The following COL19A1 variants were observed in gnomAD, a reference collection of about 807,000 sequenced individuals.
The protein encoded by COL19A1 is collagen type XIX alpha 1 chain.
Under a neutral mutation model 190.2 loss-of-function variants are expected in COL19A1, and 159 were observed. The observed-to-expected ratio is 0.84, with a 90% CI of 0.73 to 0.95. The LOEUF is 0.95. COL19A1 is among the 40% of genes least tolerant of loss of function. The pLI is 0.00. For synonymous variants in COL19A1, 509 were observed against 458.9 expected (o/e 1.11, Z -1.39); for missense variants, 1,418 against 1,431.9 (o/e 0.99, Z 0.16).
chr6:70,098,891 T>C (rs1046761225), intron 15 of COL19A1, among the ~76,000 whole-genome samples: 1 of 151,644 alleles, frequency 6.6e-6, no homozygotes, highest in Non-Finnish European at 1.5e-5. Flanking sequence ...CAATGATGTC[T>C]GGGAGTAGGC....
chr6:70,173,166 T>C (rs1459421671), intron 41 of COL19A1, among the ~76,000 whole-genome samples: 1 of 152,188 alleles, frequency 6.6e-6, no homozygotes, highest in African/African-American at 2.4e-5. Flanking sequence ...ATTTTGTACG[T>C]GAGACCAAAT....
At chr6:69,980,082 CAAAT>C (rs1312329446) in intron 11 of COL19A1, among the ~76,000 whole-genome samples, 16 of 151,630 alleles carry the variant, frequency 1.1e-4, no homozygotes, top group Admixed American at 1.0e-3. Context: ...TTTATATGAA[CAAAT>C]AAATAACTAA....
intron 14 of COL19A1, chr6:70,059,846 G>T (rs1008315784): frequency 2.0e-6 from 1 of 497,536 alleles, no homozygotes; most frequent in Non-Finnish European, 4.1e-6. Flanking sequence ...TCAATTTACA[G>T]TTATTTTTAT....
chr6:70,090,501 G>A (rs1282298806), intron 15 of COL19A1, among the ~76,000 whole-genome samples: 1 of 146,320 alleles, frequency 6.8e-6, no homozygotes, highest in Admixed American at 6.8e-5. Context: ...GAATGGCTAT[G>A]AATTTTGGTA....
intron 11 of COL19A1, among the ~76,000 whole-genome samples, chr6:69,976,951 T>C (rs893324290): frequency 2.0e-5 from 3 of 152,054 alleles, no homozygotes; most frequent in African/African-American, 7.2e-5. Flanking sequence ...AGAAGACCCA[T>C]CTGAAGCCGC....
intron 16 of COL19A1, among the ~76,000 whole-genome samples, chr6:70,117,350 A>G (rs767850541): frequency 3.9e-5 from 6 of 152,240 alleles, no homozygotes; most frequent in Non-Finnish European, 8.8e-5. Flanking sequence ...AACTTTGGGA[A>G]TGTGCAGCCA....
Position 70,149,886 on chromosome 6 carries a change from A to G in COL19A1, c.1965A>G (p.Pro655=), listed in dbSNP as rs778719800. 16 of 1,613,620 alleles carry G rather than the reference A, an allele frequency of 9.9e-6. No individual in the cohort carries two copies. In the Admixed American group the frequency reaches 1.2e-4, roughly 12 times the overall value. The change falls in exon 29 of 51, where the codon CCA becomes CCG. Residue 655 remains proline (P), a synonymous_variant. Coordinates refer to ENST00000620364, the MANE Select transcript of COL19A1 (RefSeq NM_001858.6). ...GTCTCCCTGGGTTGCCAGGAACTCC[A>G]GGGACTCCAGGGAATGATGTAAGGA... ...PRGLPGLPGT[P]GTPGNDGVPG... is the part of the protein sequence containing the mutation.
chr6:70,052,005 G>A (rs556282945), intron 14 of COL19A1, among the ~76,000 whole-genome samples: 27 of 152,114 alleles, frequency 1.8e-4, no homozygotes, highest in African/African-American at 6.5e-4. Context: ...GTCTATCTTA[G>A]AAAGCCAGAT....
intron 9 of COL19A1, among the ~76,000 whole-genome samples, chr6:69,950,674 CCACACACACACACACACACACACA>C (rs56757599): frequency 7.3e-6 from 1 of 136,140 alleles, no homozygotes; most frequent in East Asian, 2.2e-4. Flanking sequence ...ATGAATGCAG[CCACACACACACACACACACACACA>C]CACACACACA....
intron 46 of COL19A1, 22 bp from the exon 47 acceptor site, chr6:70,188,053 G>A: frequency 1.2e-6 from 2 of 1,611,984 alleles, no homozygotes; most frequent in Non-Finnish European, 1.7e-6. Flanking sequence ...ATTATTCTTT[G>A]TTATTATTTT....
At chr6:69,941,488 A>G (rs1237712137) in intron 9 of COL19A1, among the ~76,000 whole-genome samples, 1 of 152,226 alleles carries the variant, frequency 6.6e-6, no homozygotes, top group East Asian at 1.9e-4. Flanking sequence ...CATTTGTGAG[A>G]TACTGCCTTA....
At chr6:70,107,890 C>G (rs1455872274) in intron 16 of COL19A1, among the ~76,000 whole-genome samples, 2 of 152,118 alleles carry the variant, frequency 1.3e-5, no homozygotes, top group Admixed American at 1.3e-4. Context: ...GTGATGTTCT[C>G]TAAGTCTCAA....
chr6:69,869,554 G>GA (rs112647589), intron 1 of COL19A1, among the ~76,000 whole-genome samples: 8,772 of 151,124 alleles, frequency 0.058, 842 homozygotes, highest in African/African-American at 0.2. Context: ...CCTTCAAATT[G>GA]AAAAAAAATG....
At chr6:69,958,111 T>G (rs978484922) in intron 9 of COL19A1, among the ~76,000 whole-genome samples, 1 of 152,108 alleles carries the variant, frequency 6.6e-6, no homozygotes, top group Admixed American at 6.6e-5. Context: ...CAATTAACAG[T>G]GCATCTGGGT....
intron 2 of COL19A1, among the ~76,000 whole-genome samples, chr6:69,889,308 A>C (rs1451565363): frequency 2.0e-5 from 3 of 152,236 alleles, no homozygotes; most frequent in African/African-American, 7.2e-5. Context: ...GAAGATATGA[A>C]GAAATAGGAA....
chr6:69,891,905 T>G (rs540821245), intron 2 of COL19A1, among the ~76,000 whole-genome samples: 1 of 152,340 alleles, frequency 6.6e-6, no homozygotes, highest in Admixed American at 6.5e-5. Flanking sequence ...GATCCATTTT[T>G]CTATCCTAGG....
At chr6:70,098,714 G>T (rs546805380) in intron 15 of COL19A1, 2 of 237,366 alleles carry the variant, frequency 8.4e-6, no homozygotes, top group South Asian at 5.7e-5. Context: ...AAAGAGTGTT[G>T]TTAGCTCTTA....
intron 4 of COL19A1, among the ~76,000 whole-genome samples, chr6:69,916,230 C>G (rs1771296823): frequency 6.6e-6 from 1 of 152,158 alleles, no homozygotes; most frequent in Non-Finnish European, 1.5e-5. Context: ...GCCACCGCGC[C>G]CAGCTTTAAA....
At chr6:69,906,759 G>A (rs1770575989) in intron 4 of COL19A1, among the ~76,000 whole-genome samples, 1 of 152,082 alleles carries the variant, frequency 6.6e-6, no homozygotes, top group Admixed American at 6.6e-5. Flanking sequence ...CATTCAATTG[G>A]TGTCTACTTT....
Sources: allele counts gnomAD v4.1 joint callset (sites outside exome capture counted in the v4.1 genomes callset), GRCh38; gene constraint gnomAD v4.1.1; transcripts MANE v1.5; gene names NCBI Gene and HGNC (gene_info 2026-07-23, HGNC 2026-07-21).